NUMA1: variants seen among roughly 807,000 people sequenced by gnomAD.
NUMA1 encodes SP-H antigen.
A neutral mutation model predicts 237.1 loss-of-function variants in NUMA1; 62 were observed. The observed-to-expected ratio is 0.26, with a 90% confidence interval of 0.21 to 0.32. The LOEUF is 0.32. Among genes scored for constraint, NUMA1 ranks in the 10% least tolerant of loss-of-function variants. The probability of loss-of-function intolerance (pLI) is 1.00; values close to 1 mark genes in which losing one functional copy is unlikely to be tolerated. For missense variants in NUMA1, 2,533 were observed against 2,666.5 expected (o/e 0.95, Z 1.10); for synonymous variants, 1,028 against 1,066.1 (o/e 0.96, Z 0.70).
chr11:72,018,010 T>C (rs1938127130), intron 12 of NUMA1, 173 bp downstream of exon 12: 12 of 963,038 alleles, frequency 1.2e-5, no homozygotes, highest in African/African-American at 4.9e-5. Context: ...CACAGCCCAG[T>C]ACCCGGGAAG....
chr11:72,077,384 C>A (rs1344630633), intron 1 of NUMA1, among the ~76,000 whole-genome samples: 1 of 152,120 alleles, frequency 6.6e-6, no homozygotes, highest in Non-Finnish European at 1.5e-5. Context: ...AGACAGGTTA[C>A]CCACAATAAA....
At chr11:72,006,338 C>A (rs1955696826) in intron 21 of NUMA1, 75 bp from the exon 22 acceptor site, 2 of 1,259,356 alleles carry the variant, frequency 1.6e-6, no homozygotes, top group Middle Eastern at 1.9e-4. Flanking sequence ...CCTTCCGAAG[C>A]CCTCAGATCC....
At position 72,014,207 on chromosome 11, in the gene NUMA1, T is replaced by C. The variant is rs1030581948; in HGVS notation, c.3296A>G (p.Lys1099Arg). The C allele has an allele frequency of 3.1e-6, 5 of 1,613,916 alleles. No individual in the cohort carries two copies. Among genetic ancestry groups the C allele is most frequent in the Non-Finnish European group, 4.2e-6 (5 of 1,180,042 alleles). ...QLKEQLAKKE[K>R]EHASGSGAQS... ...GGCTCCTGAGCCAGATGCGTGCTCC[T>C]TTTCTTTCTTAGCCAGCTGTTCCTT... The change falls in exon 15 of 27, where the codon AAG (lysine) becomes AGG (arginine). Residue 1099 changes from lysine (K) to arginine (R), a missense_variant. Physicochemically the swap from Lys to Arg is conservative, Grantham distance 26. This residue lies in a region of NUMA1 where 1,414 missense variants were observed against 1,508.1 expected (regional missense o/e 0.94). Coordinates refer to ENST00000393695, the MANE Select transcript of NUMA1 (RefSeq NM_006185.4). The surrounding 1 kb of genome is among the most constrained non-coding windows in gnomAD (Gnocchi z 4.6).
At chr11:72,043,026 G>A (rs1439256300) in intron 2 of NUMA1, among the ~76,000 whole-genome samples, 1 of 152,154 alleles carries the variant, frequency 6.6e-6, no homozygotes, top group Non-Finnish European at 1.5e-5. Flanking sequence ...GGAGGCTGAG[G>A]TGGGAGGATC....
intron 12 of NUMA1, 23 bp downstream of exon 12, chr11:72,018,160 G>GCA (rs1938162931): frequency 6.4e-7 from 1 of 1,551,910 alleles, no homozygotes; most frequent in East Asian, 2.2e-5. Flanking sequence ...GGGCCTCCAT[G>GCA]CACACACCAC....
intron 7 of NUMA1, among the ~76,000 whole-genome samples, chr11:72,021,660 T>A (rs776838605): frequency 1.3e-5 from 2 of 152,150 alleles, no homozygotes; most frequent in Non-Finnish European, 2.9e-5. Context: ...CAGGCTGGAG[T>A]ACAGTGGCAC....
At chr11:72,006,894 C>A (rs1429788645) in intron 21 of NUMA1, among the ~76,000 whole-genome samples, 1 of 152,260 alleles carries the variant, frequency 6.6e-6, no homozygotes, top group African/African-American at 2.4e-5. Flanking sequence ...CTGGGAGGCA[C>A]AGGATGGGCT....
chr11:72,079,630 A>AC (rs1286090163), intron 1 of NUMA1, among the ~76,000 whole-genome samples: 1 of 151,694 alleles, frequency 6.6e-6, no homozygotes, highest in East Asian at 1.9e-4. Context: ...GCTCCCGCCC[A>AC]CCCACAATCT....
Position 72,015,478 on chromosome 11 carries a change from C to T in NUMA1, c.2025G>A (p.Glu675=). 1 of 1,612,804 alleles carries T rather than the reference C, an allele frequency of 6.2e-7. No homozygotes were observed. The highest frequency in any genetic ancestry group is 1.6e-4 in the Middle Eastern group (1 of 6,062). Residue 675 remains glutamate, a synonymous_variant, in exon 15 of 27, where the codon GAG becomes GAA. Transcript: ENST00000393695. This position sits in a 1 kb window ranked among gnomAD's most constrained non-coding sequence, Gnocchi z 4.0. ...GCTCAGACCGCAGCTGCAACTCTAG[C>T]TCTGCAACCTGGGCCTGGGCCTCAT... ...EQHEAQAQVA[E]LELQLRSEQQ...
rs1938431086 is a variant in NUMA1, at chr11:72,019,514, G to A, written c.564C>T (p.Ala188=). ...EIRFLELQKV[A]SSSSGNNFLS... is the part of the protein sequence containing the mutation. ...CATACTTGTTCCCACTGGAAGAGGA[G>A]GCAACCTTCTGTAGCTCTAGGAAGC... Residue 188 remains alanine, a synonymous_variant, in exon 9 of 27, where the codon GCC becomes GCT. Coordinates refer to ENST00000393695, the MANE Select transcript of NUMA1 (RefSeq NM_006185.4). 5 of 1,613,564 alleles carry A rather than the reference G, an allele frequency of 3.1e-6. No homozygotes were observed. Among genetic ancestry groups the A allele is most frequent in the Non-Finnish European group, 3.4e-6 (4 of 1,179,720 alleles).
chr11:72,057,323 A>T (rs985634975), intron 2 of NUMA1, among the ~76,000 whole-genome samples: 1 of 152,262 alleles, frequency 6.6e-6, no homozygotes, highest in Admixed American at 6.5e-5. Flanking sequence ...TTCTCCTGCC[A>T]CTACCCAGAT....
chr11:72,034,434 C>A (rs898677530), intron 3 of NUMA1, among the ~76,000 whole-genome samples: 3 of 151,678 alleles, frequency 2.0e-5, no homozygotes, highest in Non-Finnish European at 4.4e-5. Flanking sequence ...ACTGGCCAGG[C>A]GTGGTGGCTC....
At chr11:72,077,638 C>A (rs1456283004) in intron 1 of NUMA1, among the ~76,000 whole-genome samples, 1 of 151,794 alleles carries the variant, frequency 6.6e-6, no homozygotes. Context: ...CACAATGAAA[C>A]CCTGTCTCTA....
chr11:72,035,823 G>T, intron 3 of NUMA1, 79 bp downstream of exon 3: 1 of 1,286,490 alleles, frequency 7.8e-7, no homozygotes, highest in Non-Finnish European at 1.1e-6. Context: ...CATAGCCCTG[G>T]CTCCTACAAA....
chr11:72,015,386 GCCTGGAGCTGCT>G lies in NUMA1; in HGVS notation c.2105_2116del (p.Glu702_Gln705del). On this transcript the variant is annotated inframe_deletion, in exon 15 of 27. Coordinates refer to ENST00000393695, the MANE Select transcript of NUMA1 (RefSeq NM_006185.4). This position sits in a 1 kb window ranked among gnomAD's most constrained non-coding sequence, Gnocchi z 4.0. The stretch of plus-strand genomic sequence containing the variant: ...GGTGACCTTCAAGGACTCTTTGAGG[GCCTGGAGCTGCT>G]CCTGGAGCTGGTCCTTCTCCTGGGC... The G allele has an allele frequency of 6.8e-6, 11 of 1,612,122 alleles. No individual in the cohort carries two copies. The highest frequency in any genetic ancestry group is 1.1e-5 in the South Asian group (1 of 91,080).
In NUMA1 at chr11:72,009,144, C is replaced by T; in HGVS notation, c.4881G>A (p.Gln1627=). 2 of 1,444,830 alleles carry T rather than the reference C, an allele frequency of 1.4e-6. No homozygotes were observed. The highest frequency in any genetic ancestry group is 1.1e-5 in the South Asian group (1 of 88,904). 89.5% of individuals were successfully genotyped at this position (1,444,830 alleles called of 1,614,324 possible). A position where few individuals can be genotyped will look rare whatever the true frequency, so the allele number is the denominator to read the frequency against. ...GCAGCTGCTCCTGCAGCTCTTGGTT[C>T]TGCTGCTTCTTGGCATCATAATGTG... ...AKTHYDAKKQ[Q]NQELQEQLRS... is the part of the protein sequence containing the mutation. Residue 1627 remains glutamine, a synonymous_variant, in exon 19 of 27, where the codon CAG becomes CAA. Transcript: ENST00000393695.
chr11:72,005,156 G>A, intron 23 of NUMA1, 77 bp downstream of exon 23: 1 of 1,444,824 alleles, frequency 6.9e-7, no homozygotes. Flanking sequence ...GGGCCCTAGT[G>A]CTCAGGCTAG....
chr11:72,027,695 T>G (rs1198743911), intron 4 of NUMA1, among the ~76,000 whole-genome samples: 2 of 152,168 alleles, frequency 1.3e-5, no homozygotes, highest in Non-Finnish European at 2.9e-5. Context: ...GAATATTCAC[T>G]GAGGTTTGAT....
At chr11:72,007,456 G>T in intron 20 of NUMA1, 21 bp from the exon 21 acceptor site, 1 of 1,611,986 alleles carries the variant, frequency 6.2e-7, no homozygotes, top group South Asian at 1.1e-5. Flanking sequence ...GAAACCTGCT[G>T]AGGTACAGTC....
Sources: allele counts gnomAD v4.1 joint callset (sites outside exome capture counted in the v4.1 genomes callset), GRCh38; gene constraint gnomAD v4.1.1; regional missense constraint gnomAD v4.1.1; non-coding constraint Gnocchi (gnomAD v3.1); transcripts MANE v1.5; gene names NCBI Gene and HGNC (gene_info 2026-07-23, HGNC 2026-07-21).